Variants in TEAD1 observed in about 807,000 individuals in gnomAD.
TEAD1 encodes TEA domain transcription factor 1.
A neutral mutation model predicts 54.9 loss-of-function variants in TEAD1; 9 were observed. The ratio of observed to expected loss-of-function variants is 0.16; its 90% confidence interval spans 0.10 to 0.29. The LOEUF (loss-of-function observed/expected upper bound fraction) is 0.29, where lower values mean the gene tolerates loss of function less well. Ranked by LOEUF, TEAD1 falls within the 10% of genes least tolerant of loss-of-function variation. TEAD1 has a pLI of 1.00. For missense variants in TEAD1, 387 were observed against 535.9 expected (o/e 0.72, Z 2.74); for synonymous variants, 200 against 187.8 (o/e 1.07, Z -0.53).
At chr11:12,919,814 A>G (rs1010294131) in intron 10 of TEAD1, among the ~76,000 whole-genome samples, 5 of 152,192 alleles carry the variant, frequency 3.3e-5, no homozygotes, top group Admixed American at 6.5e-5. Context: ...ATATGTATGT[A>G]TACAACATAT....
chr11:12,802,705 C>G (rs1946084746), intron 3 of TEAD1, among the ~76,000 whole-genome samples: 1 of 152,100 alleles, frequency 6.6e-6, no homozygotes, highest in East Asian at 1.9e-4. Flanking sequence ...TGTGGCCGAC[C>G]CGACCGGGTC....
At chr11:12,676,984 CT>C (rs374979319) in intron 2 of TEAD1, among the ~76,000 whole-genome samples, 4 of 149,830 alleles carry the variant, frequency 2.7e-5, no homozygotes, top group South Asian at 2.1e-4. Context: ...AATATTAGAA[CT>C]TTTTTTTTTA....
chr11:12,893,541 G>A (rs987398697), intron 9 of TEAD1, among the ~76,000 whole-genome samples: 11 of 152,294 alleles, frequency 7.2e-5, no homozygotes, highest in African/African-American at 2.2e-4. Context: ...CCCCAGTCAG[G>A]CCCCCTCTGC....
intron 10 of TEAD1, chr11:12,904,674 G>A (rs1948487211): frequency 6.5e-6 from 1 of 153,410 alleles, no homozygotes; most frequent in Non-Finnish European, 1.5e-5. Context: ...TTAAAAAGAT[G>A]TATATCAACA....
chr11:12,846,765 A>T (rs1043769648), intron 3 of TEAD1, among the ~76,000 whole-genome samples: 1 of 152,190 alleles, frequency 6.6e-6, no homozygotes, highest in African/African-American at 2.4e-5. Flanking sequence ...TTGAAGTAGG[A>T]TACTAAATCT....
rs1564968511 is a variant in TEAD1, at chr11:12,864,617, T to TTTTGTTTTGTTTTG, written c.268-218_268-217insGTTTTGTTTTGTTT. 1.0e-3 allele frequency: 1,002 copies of TTTTGTTTTGTTTTG among 954,890 alleles called. 6 individuals carry two copies. The highest frequency in any genetic ancestry group is 2.2e-3 in the Middle Eastern group (6 of 2,708). The allele number at this position is 954,890 out of a possible 1,614,324, so 59.2% of individuals were successfully genotyped here. ...GTAGCGATTTTATATTTGATTTCCT[T>TTTTGTTTTGTTTTG]TTTTGTTTTGTTTTGTTTTGTTTTG... On this transcript the variant is annotated intron_variant, in intron 4 of 12. Transcript: ENST00000527636.
chr11:12,814,630 G>T (rs548095009), intron 3 of TEAD1, among the ~76,000 whole-genome samples: 2 of 152,324 alleles, frequency 1.3e-5, no homozygotes, highest in South Asian at 4.2e-4. Context: ...GACAGCACTT[G>T]AGAGTCTTTG....
intron 5 of TEAD1, among the ~76,000 whole-genome samples, chr11:12,877,736 T>C (rs892941657): frequency 6.6e-6 from 1 of 151,656 alleles, no homozygotes; most frequent in African/African-American, 2.4e-5. Context: ...TTTCCTTTTT[T>C]CCTCCCTTCC....
chr11:12,928,073 A>G (rs898447211), intron 11 of TEAD1, among the ~76,000 whole-genome samples: 1 of 152,208 alleles, frequency 6.6e-6, no homozygotes, highest in Admixed American at 6.5e-5. Context: ...ATACGTTATC[A>G]AATGCTTTTC....
intron 9 of TEAD1, among the ~76,000 whole-genome samples, chr11:12,892,107 C>T (rs1304373214): frequency 6.6e-6 from 1 of 152,162 alleles, no homozygotes; most frequent in Non-Finnish European, 1.5e-5. Context: ...GATTCTTTCT[C>T]GTAAAGGCAG....
At chr11:12,869,982 C>T (rs969258160) in intron 5 of TEAD1, among the ~76,000 whole-genome samples, 3 of 152,148 alleles carry the variant, frequency 2.0e-5, no homozygotes, top group Non-Finnish European at 4.4e-5. Flanking sequence ...CGGGTTCAAG[C>T]GATTCTCCTG....
chr11:12,810,406 G>C (rs1946276667), intron 3 of TEAD1, among the ~76,000 whole-genome samples: 1 of 152,106 alleles, frequency 6.6e-6, no homozygotes, highest in African/African-American at 2.4e-5. Context: ...TCTAAGCCTG[G>C]GAAAATGGCC....
intron 2 of TEAD1, among the ~76,000 whole-genome samples, chr11:12,675,796 C>G (rs1943072314): frequency 6.6e-6 from 1 of 152,178 alleles, no homozygotes; most frequent in Non-Finnish European, 1.5e-5. Context: ...ACAATGAGGA[C>G]TCACACCTCC....
At chr11:12,775,320 C>A (rs985756313) in intron 3 of TEAD1, among the ~76,000 whole-genome samples, 2 of 152,148 alleles carry the variant, frequency 1.3e-5, no homozygotes, top group Admixed American at 1.3e-4. Flanking sequence ...GCCTCCCTCA[C>A]AGTGGCCCTC....
At chr11:12,834,155 G>T (rs1946836035) in intron 3 of TEAD1, among the ~76,000 whole-genome samples, 2 of 152,168 alleles carry the variant, frequency 1.3e-5, no homozygotes, top group South Asian at 4.1e-4. Context: ...ATTATAATTT[G>T]GTGTAAAACA....
At chr11:12,693,347 A>G (rs568801305) in intron 2 of TEAD1, among the ~76,000 whole-genome samples, 36 of 152,342 alleles carry the variant, frequency 2.4e-4, no homozygotes, top group Non-Finnish European at 4.7e-4. Context: ...CGAGTCCTTT[A>G]TTACCCATTA....
At chr11:12,924,404 A>G (rs1026970788) in intron 10 of TEAD1, among the ~76,000 whole-genome samples, 1 of 152,260 alleles carries the variant, frequency 6.6e-6, no homozygotes, top group Non-Finnish European at 1.5e-5. Flanking sequence ...AATGTGTTAA[A>G]TGAATGGCAA....
chr11:12,854,306 C>T (rs191332692), intron 3 of TEAD1, among the ~76,000 whole-genome samples: 91 of 152,252 alleles, frequency 6.0e-4, no homozygotes, highest in African/African-American at 2.1e-3. Context: ...CAGTCTGTAG[C>T]CACTGAGGAC....
chr11:12,720,256 TCTGA>T (rs1944164517), intron 2 of TEAD1, among the ~76,000 whole-genome samples: 3 of 152,138 alleles, frequency 2.0e-5, no homozygotes, highest in African/African-American at 4.8e-5. Flanking sequence ...AGGCACTTAC[TCTGA>T]CTATTAAAAA....
Sources: allele counts gnomAD v4.1 joint callset (sites outside exome capture counted in the v4.1 genomes callset), GRCh38; gene constraint gnomAD v4.1.1; transcripts MANE v1.5; gene names NCBI Gene and HGNC (gene_info 2026-07-23, HGNC 2026-07-21).